The following SLC35F2 variants were observed in gnomAD, a reference collection of about 807,000 sequenced individuals.
SLC35F2 encodes the protein queuine/queuosine transporter SLC35F2.
A neutral mutation model predicts 38.1 loss-of-function variants in SLC35F2; 25 were observed. That is an observed-to-expected ratio of 0.66 (90% confidence interval 0.48 to 0.92). The LOEUF (loss-of-function observed/expected upper bound fraction) is 0.92. Ranked by LOEUF, SLC35F2 falls within the 40% of genes least tolerant of loss-of-function variation. The pLI, the probability that SLC35F2 is intolerant of heterozygous loss-of-function variation, is 0.00. For synonymous variants in SLC35F2, 173 were observed against 181.7 expected, an observed-to-expected ratio of 0.95 and a Z score of 0.38; for missense variants, 409 against 452.9, an observed-to-expected ratio of 0.90 and a Z score of 0.88.
At chr11:107,820,293 A>C (rs187486087) in intron 1 of SLC35F2, among the ~76,000 whole-genome samples, 6 of 151,216 alleles carry the variant, frequency 4.0e-5, no homozygotes, top group Non-Finnish European at 7.4e-5. Context: ...AGAGAAAAGA[A>C]AGGGAGGGAG....
chr11:107,855,379 C>T (rs924157642), intron 1 of SLC35F2, among the ~76,000 whole-genome samples: 2 of 152,080 alleles, frequency 1.3e-5, no homozygotes, highest in Non-Finnish European at 2.9e-5. Flanking sequence ...CATGGCCAGG[C>T]GTGTGGCTCA....
chr11:107,811,450 C>T (rs1241792354), intron 3 of SLC35F2, among the ~76,000 whole-genome samples: 2 of 152,188 alleles, frequency 1.3e-5, no homozygotes, highest in Non-Finnish European at 2.9e-5. Context: ...TTCTAATCTG[C>T]CATAGCAGTT....
At chr11:107,816,136 GACT>G (rs1859570788) in intron 1 of SLC35F2, 171 bp from the exon 2 acceptor site, 7 of 984,864 alleles carry the variant, frequency 7.1e-6, no homozygotes, top group South Asian at 4.7e-5. Context: ...GTTACTGAAG[GACT>G]ACATTTTTAT....
chr11:107,845,395 T>C (rs892393553), intron 1 of SLC35F2, among the ~76,000 whole-genome samples: 2 of 151,452 alleles, frequency 1.3e-5, no homozygotes. Flanking sequence ...CCGGGCAACA[T>C]GGCAAAACCC....
chr11:107,811,569 A>G, intron 3 of SLC35F2, 98 bp downstream of exon 3: 1 of 1,183,872 alleles, frequency 8.4e-7, no homozygotes, highest in Non-Finnish European at 1.2e-6. Context: ...GTTTTCTTCA[A>G]GTGAATAGAT....
chr11:107,825,040 C>A (rs757568353), intron 1 of SLC35F2, among the ~76,000 whole-genome samples: 1 of 151,402 alleles, frequency 6.6e-6, no homozygotes, highest in East Asian at 1.9e-4. Flanking sequence ...AGAATGGCTA[C>A]CAAATTAGAC....
At chr11:107,858,401 T>C in intron 1 of SLC35F2, 1 of 338,788 alleles carries the variant, frequency 3.0e-6, no homozygotes. Context: ...ACAGGGTGGG[T>C]TTCCCCCCAA....
At chr11:107,840,051 C>T (rs1242939270) in intron 1 of SLC35F2, among the ~76,000 whole-genome samples, 1 of 152,114 alleles carries the variant, frequency 6.6e-6, no homozygotes, top group Non-Finnish European at 1.5e-5. Context: ...ATAAAGAGGG[C>T]AGCATTCAAC....
At chr11:107,802,235 C>T (rs1859319383) in intron 7 of SLC35F2, among the ~76,000 whole-genome samples, 1 of 112,704 alleles carries the variant, frequency 8.9e-6, no homozygotes, top group Non-Finnish European at 1.7e-5. Flanking sequence ...GAGACTCCAT[C>T]TCAAAAAAAA....
intron 1 of SLC35F2, among the ~76,000 whole-genome samples, chr11:107,819,513 T>C (rs1041372163): frequency 6.6e-6 from 1 of 152,200 alleles, no homozygotes; most frequent in Admixed American, 6.5e-5. Flanking sequence ...AGTTGCTATC[T>C]CCTTCTCTTG....
intron 1 of SLC35F2, among the ~76,000 whole-genome samples, chr11:107,855,677 T>C (rs555700332): frequency 1.3e-5 from 2 of 151,164 alleles, no homozygotes; most frequent in South Asian, 4.2e-4. Context: ...CCATAACTGC[T>C]ATTCCACAAG....
chr11:107,828,369 G>A (rs537659342), intron 1 of SLC35F2, among the ~76,000 whole-genome samples: 60 of 151,232 alleles, frequency 4.0e-4, no homozygotes, highest in African/African-American at 1.4e-3. Flanking sequence ...GGAAGGCGGA[G>A]GTTGCAGTGA....
intron 1 of SLC35F2, among the ~76,000 whole-genome samples, chr11:107,839,739 T>C (rs1315644889): frequency 1.3e-5 from 2 of 152,096 alleles, no homozygotes; most frequent in East Asian, 3.9e-4. Flanking sequence ...TCGCAACCTC[T>C]GCCTCCTGGG....
intron 6 of SLC35F2, 149 bp downstream of exon 6, chr11:107,804,569 C>T: frequency 1.8e-6 from 1 of 549,698 alleles, no homozygotes; most frequent in South Asian, 3.2e-5. Context: ...TCAGAGAAAA[C>T]TCAATGTAAA....
At chr11:107,810,944 CTTTT>C (rs200185982) in intron 3 of SLC35F2, 17 of 971,944 alleles carry the variant, frequency 1.7e-5, no homozygotes, top group South Asian at 9.5e-5. Context: ...CTGATACACA[CTTTT>C]TTTTATTATT....
intron 1 of SLC35F2, among the ~76,000 whole-genome samples, chr11:107,847,674 G>C (rs749549744): frequency 3.0e-4 from 46 of 152,118 alleles, no homozygotes; most frequent in Admixed American, 7.2e-4. Context: ...GTAGGAACAG[G>C]TACACAGAGG....
intron 1 of SLC35F2, among the ~76,000 whole-genome samples, chr11:107,857,369 GAGGGAGGGA>G (rs1183319674): frequency 4.7e-5 from 7 of 149,436 alleles, no homozygotes; most frequent in Non-Finnish European, 1.0e-4. Context: ...GAGAGGGAGA[GAGGGAGGGA>G]AGGGAGGGAA....
At chr11:107,810,307 G>C (rs1384573767) in intron 3 of SLC35F2, 1 of 985,264 alleles carries the variant, frequency 1.0e-6, no homozygotes, top group Non-Finnish European at 1.2e-6. Context: ...GAAATTGAAA[G>C]AAGGCATGAA....
At chr11:107,843,860 AAAAAAAAAATATAT>A (rs1171944779) in intron 1 of SLC35F2, among the ~76,000 whole-genome samples, 13 of 39,664 alleles carry the variant, frequency 3.3e-4, no homozygotes, top group African/African-American at 1.1e-3. Context: ...AAAAAAAAAA[AAAAAAAAAATATAT>A]ATATATATAT....
Sources: allele counts gnomAD v4.1 joint callset (sites outside exome capture counted in the v4.1 genomes callset), GRCh38; gene constraint gnomAD v4.1.1; transcripts MANE v1.5; gene names NCBI Gene and HGNC (gene_info 2026-07-23, HGNC 2026-07-21).